The following SSUH2 variants were observed in gnomAD, a reference collection of about 807,000 sequenced individuals.
SSUH2 encodes the protein protein SSUH2 homolog.
A neutral mutation model predicts 55.3 loss-of-function variants in SSUH2; 47 were observed. That is an observed-to-expected ratio of 0.85 (90% CI 0.67 to 1.08). The LOEUF is 1.08. SSUH2 is among the 50% of genes least tolerant of loss of function. The pLI is 0.00. For missense variants in SSUH2, 535 were observed against 490.7 expected (o/e 1.09, Z -0.85); for synonymous variants, 212 against 191.5 (o/e 1.11, Z -0.89).
At chr3:8,672,857 G>A (rs1372289746) in intron 3 of SSUH2, among the ~76,000 whole-genome samples, 3 of 152,056 alleles carry the variant, frequency 2.0e-5, no homozygotes, top group Non-Finnish European at 4.4e-5. Flanking sequence ...AACGTCATAC[G>A]CCATCCTCTG....
intron 7 of SSUH2, among the ~76,000 whole-genome samples, chr3:8,657,634 C>G (rs1031711892): frequency 6.6e-6 from 1 of 152,102 alleles, no homozygotes; most frequent in African/African-American, 2.4e-5. Flanking sequence ...GAGTCAAGTA[C>G]ATGGAGAAGA....
At chr3:8,674,467 G>A (rs1435186835) in intron 3 of SSUH2, among the ~76,000 whole-genome samples, 13 of 152,162 alleles carry the variant, frequency 8.5e-5, no homozygotes, top group Admixed American at 4.6e-4. Context: ...AATGATGGTC[G>A]GGGTAGAGAC....
upstream of SSUH2, among the ~76,000 whole-genome samples, chr3:8,648,222 C>T (rs1449407212): frequency 2.0e-5 from 3 of 152,170 alleles, no homozygotes; most frequent in African/African-American, 7.2e-5. Context: ...GAGTGACTTA[C>T]CCAAGGTCAC....
intron 7 of SSUH2, among the ~76,000 whole-genome samples, chr3:8,657,946 C>T (rs184769055): frequency 2.2e-4 from 34 of 152,342 alleles, no homozygotes; most frequent in African/African-American, 8.2e-4. Flanking sequence ...ATGGGCAGGA[C>T]CGTAGGCACC....
intron 7 of SSUH2, among the ~76,000 whole-genome samples, chr3:8,657,878 C>T (rs1703088165): frequency 1.3e-5 from 2 of 152,382 alleles, no homozygotes; most frequent in South Asian, 2.1e-4. Flanking sequence ...CTGCTGGTAT[C>T]AGCAGGCAGT....
At chr3:8,636,800 G>A (rs1422598915) in intron 1 of SSUH2, among the ~76,000 whole-genome samples, 1 of 152,110 alleles carries the variant, frequency 6.6e-6, no homozygotes, top group Non-Finnish European at 1.5e-5. Flanking sequence ...CCATCTTGGT[G>A]TCTGCTTCAT....
chr3:8,640,121 T>TG, intron 1 of SSUH2: 2 of 522,194 alleles, frequency 3.8e-6, no homozygotes, highest in Non-Finnish European at 2.4e-6. Context: ...AATTTCAGAT[T>TG]TACAAGGTGA....
chr3:8,662,768 C>A (rs1256154598), intron 6 of SSUH2, among the ~76,000 whole-genome samples: 1 of 152,196 alleles, frequency 6.6e-6, no homozygotes, highest in African/African-American at 2.4e-5. Context: ...GATGTCATTT[C>A]CTACCTTATT....
At chr3:8,635,879 T>C (rs1386842374) in intron 1 of SSUH2, 22 bp from the exon 2 acceptor site, 1 of 1,534,020 alleles carries the variant, frequency 6.5e-7, no homozygotes, top group South Asian at 1.2e-5. Flanking sequence ...CAAGCATTCC[T>C]AAGCCTTGGG....
At chr3:8,645,358 G>C (rs1485094098), upstream of SSUH2, among the ~76,000 whole-genome samples, 1 of 152,190 alleles carries the variant, frequency 6.6e-6, no homozygotes, top group East Asian at 1.9e-4. Flanking sequence ...GGCAGAGCTG[G>C]CTCCCAACCC....
intron 5 of SSUH2, among the ~76,000 whole-genome samples, chr3:8,670,067 C>T (rs771420857): frequency 3.3e-5 from 5 of 151,932 alleles, no homozygotes; most frequent in South Asian, 2.1e-4. Flanking sequence ...CTTGCACCTC[C>T]GCAAGACAAG....
intron 7 of SSUH2, among the ~76,000 whole-genome samples, chr3:8,655,862 C>T (rs1702886955): frequency 6.6e-6 from 1 of 152,192 alleles, no homozygotes; most frequent in African/African-American, 2.4e-5. Flanking sequence ...ATTTCAAAAC[C>T]CGCTCTGTTC....
At position 8,627,680 on chromosome 3, in the gene SSUH2, CT is replaced by C. The variant is rs1697874546; in HGVS notation, c.674+17del. ...AAAGCAAGAGCACTTCACCGCGGTG[CT>C]GGGGAGATGCCCCTACCTTCGCCTG... is the stretch of plus-strand genomic sequence containing the variant. On this transcript the variant is annotated intron_variant, in intron 8 of 11. Transcript: ENST00000544814. 1 of 1,452,888 alleles carries C rather than the reference CT, an allele frequency of 6.9e-7. No homozygotes were observed. Among genetic ancestry groups the C allele is most frequent in the Non-Finnish European group, 9.0e-7 (1 of 1,106,564 alleles). 90.0% of individuals were successfully genotyped at this position (1,452,888 alleles called of 1,614,324 possible). A position where few individuals can be genotyped will look rare whatever the true frequency, so the allele number is the denominator to read the frequency against.
chr3:8,640,236 G>T (rs1156621337), intron 1 of SSUH2, among the ~76,000 whole-genome samples: 1 of 152,134 alleles, frequency 6.6e-6, no homozygotes, highest in African/African-American at 2.4e-5. Context: ...TTTATGTCAG[G>T]TATATTTTAT....
At chr3:8,656,579 CG>C (rs1702954377) in intron 7 of SSUH2, among the ~76,000 whole-genome samples, 1 of 152,136 alleles carries the variant, frequency 6.6e-6, no homozygotes, top group Non-Finnish European at 1.5e-5. Context: ...GGGGACACGA[CG>C]GGGAGCGAGG....
At chr3:8,657,441 G>A (rs905401324) in intron 7 of SSUH2, among the ~76,000 whole-genome samples, 1 of 152,058 alleles carries the variant, frequency 6.6e-6, no homozygotes, top group Admixed American at 6.5e-5. Context: ...CAGGTGGGAC[G>A]GCATGACATG....
At chr3:8,668,339 G>A (rs1206068328) in intron 5 of SSUH2, among the ~76,000 whole-genome samples, 1 of 152,236 alleles carries the variant, frequency 6.6e-6, no homozygotes, top group Non-Finnish European at 1.5e-5. Flanking sequence ...TCTCTGGATA[G>A]CTAGGCTGAG....
chr3:8,665,431 T>C (rs1703905721), intron 5 of SSUH2, among the ~76,000 whole-genome samples: 2 of 152,218 alleles, frequency 1.3e-5, no homozygotes, highest in South Asian at 4.1e-4. Flanking sequence ...AGGTTCATTC[T>C]GCAGTCTCTG....
In SSUH2 at chr3:8,627,882, T is replaced by G. The variant is rs556008210; in HGVS notation, c.589-99A>C. On this transcript the variant is annotated intron_variant, in intron 7 of 11. Transcript: ENST00000544814. ...TCAAATCCCAGCCTGGTGACCTTCC[T>G]CCCCCTGGGCCTTAGCCCCTTCATC... 13 of 1,024,350 alleles carry G rather than the reference T, an allele frequency of 1.3e-5. No individual in the cohort carries two copies. The Admixed American group carries it at 3.4e-4, about 26-fold the overall frequency. The allele number at this position is 1,024,350 out of a possible 1,614,324, so 63.5% of individuals were successfully genotyped here. A position where few individuals can be genotyped will look rare whatever the true frequency, so the allele number is the denominator to read the frequency against.
Sources: allele counts gnomAD v4.1 joint callset (sites outside exome capture counted in the v4.1 genomes callset), GRCh38; gene constraint gnomAD v4.1.1; transcripts MANE v1.5; gene names NCBI Gene and HGNC (gene_info 2026-07-23, HGNC 2026-07-21).